The following NELL1 variants were observed in gnomAD, a reference collection of about 807,000 sequenced individuals.
NELL1 encodes the protein neural EGFL like 1.
A neutral mutation model predicts 107.4 loss-of-function variants in NELL1; 76 were observed. That is an observed-to-expected ratio of 0.71 (90% confidence interval 0.59 to 0.86). The LOEUF is 0.86. Among genes scored for constraint, NELL1 ranks in the 40% least tolerant of loss-of-function variants. The pLI, the probability that NELL1 is intolerant of heterozygous loss-of-function variation, is 0.00. For synonymous variants in NELL1, 353 were observed against 341.2 expected, an observed-to-expected ratio of 1.03 and a Z score of -0.38; for missense variants, 1,024 against 1,005.5, an observed-to-expected ratio of 1.02 and a Z score of -0.25.
At chr11:20,896,663 C>A (rs571180658) in intron 5 of NELL1, among the ~76,000 whole-genome samples, 1 of 152,238 alleles carries the variant, frequency 6.6e-6, no homozygotes, top group East Asian at 1.9e-4. Context: ...CTAGAAAACC[C>A]CATCATCTCA....
At chr11:20,887,880 C>G (rs1849541439) in intron 5 of NELL1, among the ~76,000 whole-genome samples, 1 of 152,070 alleles carries the variant, frequency 6.6e-6, no homozygotes, top group South Asian at 2.1e-4. Flanking sequence ...AGCTCTAAAG[C>G]CATCACGAAT....
intron 2 of NELL1, among the ~76,000 whole-genome samples, chr11:20,684,279 AAAATT>A (rs1332965260): frequency 3.9e-5 from 6 of 152,092 alleles, no homozygotes; most frequent in Non-Finnish European, 5.9e-5. Context: ...AAAAAGACTA[AAAATT>A]AAATTAAAAA....
At chr11:21,144,086 T>C (rs1855923231) in intron 13 of NELL1, among the ~76,000 whole-genome samples, 1 of 151,984 alleles carries the variant, frequency 6.6e-6, no homozygotes, top group African/African-American at 2.4e-5. Flanking sequence ...TAAAAACAAG[T>C]GAGAAAAGGA....
In NELL1 at chr11:21,405,751, A is replaced by G. The variant is rs531184058; in HGVS notation, c.1645+34803A>G. 3.3e-5 allele frequency among the ~76,000 whole-genome samples: 5 copies of G among 152,104 alleles called. No individual in the cohort carries two copies. In the South Asian group the frequency reaches 8.3e-4, roughly 25 times the overall value. ...AGACCCTTGACCTGGTGAAAGATGG[A>G]CACATCATCTTTCCTCATCCTACAT... On this transcript the variant is annotated intron_variant, in intron 15 of 19. Transcript: ENST00000357134.
chr11:21,050,577 A>G (rs1853468323), intron 12 of NELL1, among the ~76,000 whole-genome samples: 1 of 152,206 alleles, frequency 6.6e-6, no homozygotes, highest in South Asian at 2.1e-4. Context: ...ATTCAGACCC[A>G]TATCCTGGAT....
At chr11:20,758,788 T>A (rs772536037) in intron 2 of NELL1, among the ~76,000 whole-genome samples, 80 of 152,314 alleles carry the variant, frequency 5.3e-4, no homozygotes, top group Admixed American at 1.4e-3. Flanking sequence ...GTGGTGGGAA[T>A]GATAAATGTC....
chr11:21,354,041 CACA>C (rs1464270055), intron 14 of NELL1, among the ~76,000 whole-genome samples: 1 of 152,170 alleles, frequency 6.6e-6, no homozygotes, highest in East Asian at 1.9e-4. Flanking sequence ...CATTATTCCT[CACA>C]ACAACTATAT....
At chr11:21,319,624 G>A (rs1453219750) in intron 14 of NELL1, among the ~76,000 whole-genome samples, 1 of 151,540 alleles carries the variant, frequency 6.6e-6, no homozygotes, top group African/African-American at 2.4e-5. Context: ...TTACAAGCGT[G>A]TGTCACCGCG....
At chr11:21,149,390 C>T (rs1590682084) in intron 13 of NELL1, among the ~76,000 whole-genome samples, 1 of 152,134 alleles carries the variant, frequency 6.6e-6, no homozygotes, top group African/African-American at 2.4e-5. Context: ...GCTGGGGAGG[C>T]CTCACAATCA....
At chr11:20,750,220 T>TCTCACGTG (rs1167276311) in intron 2 of NELL1, among the ~76,000 whole-genome samples, 1 of 152,152 alleles carries the variant, frequency 6.6e-6, no homozygotes, top group East Asian at 1.9e-4. Context: ...GTGTGTTTTG[T>TCTCACGTG]TTTTATTCCT....
chr11:21,157,241 A>G (rs1048490042), intron 13 of NELL1, among the ~76,000 whole-genome samples: 1 of 151,290 alleles, frequency 6.6e-6, no homozygotes, highest in Non-Finnish European at 1.5e-5. Flanking sequence ...TGTATTTTTA[A>G]ATATTTGCCT....
chr11:20,981,134 G>A (rs1225671471), intron 12 of NELL1, among the ~76,000 whole-genome samples: 1 of 152,208 alleles, frequency 6.6e-6, no homozygotes, highest in Non-Finnish European at 1.5e-5. Context: ...ACAGCTGTAT[G>A]TGGAATCCAC....
chr11:20,711,868 T>C lies in NELL1; in HGVS notation c.184+33808T>C, dbSNP rs183566061. ...TGATGACTGTGTGCGTAGGTGAAGA[T>C]CATTTTGCAATGAATTTCCCAAGTG... On this transcript the variant is annotated intron_variant, in intron 2 of 19. Transcript: ENST00000357134. 2.9e-3 allele frequency among the ~76,000 whole-genome samples: 437 copies of C among 152,288 alleles called. 2 individuals are homozygous for C. Among genetic ancestry groups the C allele is most frequent in the African/African-American group, 0.01 (419 of 41,576 alleles).
At chr11:21,415,499 A>C (rs1852495288) in intron 15 of NELL1, among the ~76,000 whole-genome samples, 1 of 152,092 alleles carries the variant, frequency 6.6e-6, no homozygotes, top group South Asian at 2.1e-4. Context: ...TAGATTAAAA[A>C]TGTAGTGATG....
chr11:20,945,336 A>G (rs563751571), intron 10 of NELL1, among the ~76,000 whole-genome samples: 2 of 152,354 alleles, frequency 1.3e-5, no homozygotes, highest in East Asian at 3.9e-4. Context: ...TCTTCGAGGT[A>G]AAGAATATCC....
At chr11:21,159,958 C>A (rs1400795252) in intron 13 of NELL1, among the ~76,000 whole-genome samples, 1 of 152,198 alleles carries the variant, frequency 6.6e-6, no homozygotes, top group Non-Finnish European at 1.5e-5. Context: ...CAAGACCTAA[C>A]AACCAGAATG....
intron 15 of NELL1, among the ~76,000 whole-genome samples, chr11:21,401,103 A>G (rs943840446): frequency 1.3e-5 from 2 of 152,042 alleles, no homozygotes; most frequent in Non-Finnish European, 1.5e-5. Flanking sequence ...TTTAAATTAT[A>G]CAACCCTTTC....
intron 5 of NELL1, among the ~76,000 whole-genome samples, chr11:20,889,750 G>A (rs1849580332): frequency 6.6e-6 from 1 of 152,126 alleles, no homozygotes; most frequent in African/African-American, 2.4e-5. Flanking sequence ...GCGGTGCGAC[G>A]GCCCATCTGA....
chr11:20,928,671 C>A (rs913498406), intron 9 of NELL1, among the ~76,000 whole-genome samples, 192 bp downstream of exon 9: 1 of 151,998 alleles, frequency 6.6e-6, no homozygotes, highest in Middle Eastern at 3.4e-3. Context: ...TTAACATGGG[C>A]TATTTTTTTT....
Sources: gnomAD v4.1 joint callset for allele counts (sites outside exome capture counted in the v4.1 genomes callset) on GRCh38, gnomAD v4.1.1 for gene constraint, MANE v1.5 for transcripts, NCBI Gene and HGNC (gene_info 2026-07-23, HGNC 2026-07-21) for gene names.